Variants in GPR158 observed in about 807,000 individuals in gnomAD.
The protein encoded by GPR158 is G protein-coupled receptor 158, also known as metabotropic glycine receptor.
A neutral mutation model predicts 78.2 loss-of-function variants in GPR158; 30 were observed. That is an observed-to-expected ratio of 0.38 (90% CI 0.29 to 0.52). The LOEUF is 0.52. Among genes scored for constraint, GPR158 ranks in the 20% least tolerant of loss-of-function variants. The pLI, the probability that GPR158 is intolerant of heterozygous loss-of-function variation, is 0.83. For synonymous variants in GPR158, 581 were observed against 591.1 expected, an observed-to-expected ratio of 0.98 and a Z score of 0.25; for missense variants, 1,463 against 1,523.5, an observed-to-expected ratio of 0.96 and a Z score of 0.66.
At chr10:25,303,163 A>G (rs1854624095) in intron 2 of GPR158, among the ~76,000 whole-genome samples, 1 of 152,256 alleles carries the variant, frequency 6.6e-6, no homozygotes, top group African/African-American at 2.4e-5. Context: ...TTGCTCTGCT[A>G]GTTAATAAGT....
chr10:25,289,924 G>T, intron 2 of GPR158, among the ~76,000 whole-genome samples: 1 of 152,136 alleles, frequency 6.6e-6, no homozygotes, highest in East Asian at 1.9e-4. Context: ...GAGATACAAT[G>T]ACAAATCAAG....
At chr10:25,464,492 T>C (rs1835396649) in intron 4 of GPR158, among the ~76,000 whole-genome samples, 1 of 152,226 alleles carries the variant, frequency 6.6e-6, no homozygotes, top group African/African-American at 2.4e-5. Context: ...CGTATCTACT[T>C]ATTAAGCACC....
intron 4 of GPR158, 48 bp from the exon 5 acceptor site, chr10:25,466,603 G>A: frequency 8.2e-7 from 1 of 1,224,560 alleles, no homozygotes; most frequent in Non-Finnish European, 1.2e-6. Flanking sequence ...GAATTCTCCA[G>A]GCTTAGAAAT....
At chr10:25,239,687 C>T (rs529634991) in intron 2 of GPR158, among the ~76,000 whole-genome samples, 8 of 151,816 alleles carry the variant, frequency 5.3e-5, no homozygotes, top group Non-Finnish European at 8.8e-5. Flanking sequence ...AGAATATATG[C>T]CTGCCAGTAA....
chr10:25,471,794 C>T, intron 5 of GPR158, among the ~76,000 whole-genome samples: 1 of 152,126 alleles, frequency 6.6e-6, no homozygotes, highest in Non-Finnish European at 1.5e-5. Flanking sequence ...CCTTCGCCCA[C>T]TTTTTGATGG....
At chr10:25,364,923 A>G (rs1855696106) in intron 2 of GPR158, among the ~76,000 whole-genome samples, 1 of 151,846 alleles carries the variant, frequency 6.6e-6, no homozygotes, top group Non-Finnish European at 1.5e-5. Context: ...GCACACTTTG[A>G]ATGAGTTATG....
chr10:25,573,385 A>G (rs1281555570), intron 7 of GPR158, among the ~76,000 whole-genome samples: 1 of 152,228 alleles, frequency 6.6e-6, no homozygotes, highest in East Asian at 1.9e-4. Flanking sequence ...CTGACCTCAA[A>G]AGACAACTTA....
intron 5 of GPR158, among the ~76,000 whole-genome samples, chr10:25,508,249 A>G (rs61549511): frequency 0.043 from 6,495 of 152,248 alleles, 484 homozygotes; most frequent in African/African-American, 0.15. Flanking sequence ...GCAATCTGCA[A>G]ATCAGGGAAA....
In GPR158 at chr10:25,598,910, T is replaced by C. The variant is rs559308484; in HGVS notation, c.3284T>C (p.Leu1095Pro). The change falls in exon 11 of 11, where the codon CTC becomes CCC. Residue 1095 changes from leucine to proline, a missense_variant. By Grantham distance (98) the Leu-to-Pro change is moderately conservative. Coordinates refer to ENST00000376351, the MANE Select transcript of GPR158 (RefSeq NM_020752.3). Reference protein sequence around the residue: ...EKLLISKTPVLPERAKEENGG... With the variant: ...EKLLISKTPVPPERAKEENGG... Reference sequence around the variant, plus strand: ...CTTTTGATTTCCAAGACTCCAGTTCTCCCAGAGAGGGCAAAAGAGGAGAAC... The same window carrying C: ...CTTTTGATTTCCAAGACTCCAGTTCCCCCAGAGAGGGCAAAAGAGGAGAAC... The C allele has an allele frequency of 1.9e-6, 3 of 1,613,932 alleles. No individual in the cohort carries two copies. The African/African-American group carries it at 4.0e-5, about 22-fold the overall frequency.
intron 1 of GPR158, among the ~76,000 whole-genome samples, chr10:25,212,788 T>C (rs1208679155): frequency 6.6e-6 from 1 of 151,790 alleles, no homozygotes; most frequent in Non-Finnish European, 1.5e-5. Context: ...CCCGCCACCA[T>C]GTCCAGCTAA....
intron 5 of GPR158, among the ~76,000 whole-genome samples, chr10:25,472,363 T>A: frequency 6.6e-6 from 1 of 152,218 alleles, no homozygotes; most frequent in East Asian, 1.9e-4. Context: ...TTGGTTACTG[T>A]AGCCTTGTAG....
intron 2 of GPR158, among the ~76,000 whole-genome samples, chr10:25,332,160 G>A (rs978775996): frequency 5.9e-5 from 9 of 152,100 alleles, no homozygotes; most frequent in Non-Finnish European, 7.4e-5. Context: ...TAGAGATTCT[G>A]ATTCAGTAGA....
At chr10:25,246,375 T>A (rs909126952) in intron 2 of GPR158, among the ~76,000 whole-genome samples, 1 of 152,242 alleles carries the variant, frequency 6.6e-6, no homozygotes, top group African/African-American at 2.4e-5. Context: ...CATCACTGTT[T>A]CTTGGTTTGT....
At chr10:25,219,355 T>C (rs1853266120) in intron 1 of GPR158, among the ~76,000 whole-genome samples, 1 of 152,206 alleles carries the variant, frequency 6.6e-6, no homozygotes, top group Non-Finnish European at 1.5e-5. Context: ...TAAAAATTTG[T>C]TGAAAGAGGA....
chr10:25,411,516 A>AT (rs1456408470), intron 3 of GPR158, among the ~76,000 whole-genome samples: 7 of 152,348 alleles, frequency 4.6e-5, no homozygotes, highest in African/African-American at 1.7e-4. Flanking sequence ...TCCCAAAGGT[A>AT]TGCATGTATT....
intron 2 of GPR158, among the ~76,000 whole-genome samples, chr10:25,327,934 T>C (rs993073008): frequency 1.3e-5 from 2 of 152,244 alleles, no homozygotes; most frequent in African/African-American, 4.8e-5. Context: ...TTGTAGACAT[T>C]CGTTATTGAC....
At chr10:25,539,424 A>C (rs1449761721) in intron 5 of GPR158, among the ~76,000 whole-genome samples, 2 of 151,992 alleles carry the variant, frequency 1.3e-5, no homozygotes, top group African/African-American at 2.4e-5. Flanking sequence ...GTACTTCTTT[A>C]TTGGATAAGA....
At chr10:25,483,779 C>G (rs1341888291) in intron 5 of GPR158, among the ~76,000 whole-genome samples, 1 of 152,110 alleles carries the variant, frequency 6.6e-6, no homozygotes, top group African/African-American at 2.4e-5. Context: ...TTATTAATAA[C>G]AAATTCTTGT....
intron 2 of GPR158, among the ~76,000 whole-genome samples, chr10:25,359,811 G>T (rs892699213): frequency 6.6e-6 from 1 of 152,108 alleles, no homozygotes; most frequent in Non-Finnish European, 1.5e-5. Flanking sequence ...GGTATTTCTG[G>T]TTCTAAATTC....
Sources: allele counts gnomAD v4.1 joint callset (sites outside exome capture counted in the v4.1 genomes callset), GRCh38; gene constraint gnomAD v4.1.1; transcripts MANE v1.5; gene names NCBI Gene and HGNC (gene_info 2026-07-23, HGNC 2026-07-21).